The following TENM4 variants were observed in gnomAD, a reference collection of about 807,000 sequenced individuals.
The protein encoded by TENM4 is teneurin transmembrane protein 4, also known as teneurin-4.
In TENM4, 82 loss-of-function variants were observed where a neutral mutation model predicts 243.3. The ratio of observed to expected loss-of-function variants is 0.34; its 90% CI spans 0.28 to 0.40. The LOEUF (loss-of-function observed/expected upper bound fraction) is 0.40, where lower values mean the gene tolerates loss of function less well. TENM4 is among the 10% of genes least tolerant of loss of function. The pLI is 1.00. For synonymous variants in TENM4, 1,412 were observed against 1,456.3 expected (o/e 0.97, Z 0.69); for missense variants, 3,138 against 3,673.3 (o/e 0.85, Z 3.77).
intron 6 of TENM4, among the ~76,000 whole-genome samples, chr11:78,970,733 G>T (rs1166150595): frequency 6.6e-6 from 1 of 152,184 alleles, no homozygotes; most frequent in East Asian, 1.9e-4. Flanking sequence ...TCAAGAGGTT[G>T]CTCTGAGGGT....
At chr11:78,725,576 AAT>A (rs1855491599) in intron 23 of TENM4, among the ~76,000 whole-genome samples, 1 of 152,204 alleles carries the variant, frequency 6.6e-6, no homozygotes, top group Non-Finnish European at 1.5e-5. Context: ...CCTCTGCTTA[AAT>A]CACAATGAAC....
chr11:79,025,481 C>T (rs1235369223), intron 6 of TENM4, among the ~76,000 whole-genome samples: 2 of 152,220 alleles, frequency 1.3e-5, no homozygotes, highest in Admixed American at 1.3e-4. Context: ...GGAGATTTGC[C>T]CAAGGCCATG....
intron 12 of TENM4, among the ~76,000 whole-genome samples, chr11:78,821,310 G>C (rs144216931): frequency 1.9e-3 from 295 of 152,292 alleles, no homozygotes; most frequent in African/African-American, 6.8e-3. Flanking sequence ...GTTCTCCAAA[G>C]AGTCTTGTGA....
chr11:79,338,794 T>C (rs541130350), intron 1 of TENM4, among the ~76,000 whole-genome samples: 11 of 152,314 alleles, frequency 7.2e-5, no homozygotes, highest in African/African-American at 2.6e-4. Context: ...AAGTCCCAGC[T>C]GAACCTTGGA....
At chr11:79,381,676 C>T (rs942772904) in intron 1 of TENM4, among the ~76,000 whole-genome samples, 2 of 151,282 alleles carry the variant, frequency 1.3e-5, no homozygotes, top group African/African-American at 4.9e-5. Flanking sequence ...TGATATCCGA[C>T]GTTCACTTGA....
chr11:78,960,880 C>T (rs1857305711), intron 6 of TENM4, among the ~76,000 whole-genome samples: 1 of 152,228 alleles, frequency 6.6e-6, no homozygotes, highest in Admixed American at 6.5e-5. Context: ...TGTAAATCCC[C>T]TAGAGGCAGG....
chr11:79,258,028 C>T (rs1180360806), intron 2 of TENM4, among the ~76,000 whole-genome samples: 1 of 152,158 alleles, frequency 6.6e-6, no homozygotes, highest in African/African-American at 2.4e-5. Context: ...TTCACTCAAT[C>T]CATGGTACAG....
chr11:79,066,603 C>T (rs554175189), intron 5 of TENM4, among the ~76,000 whole-genome samples: 66 of 151,898 alleles, frequency 4.3e-4, no homozygotes, highest in African/African-American at 1.4e-3. Context: ...AGCACACACG[C>T]GCGTGCACAC....
chr11:78,729,540 T>C lies in TENM4; in HGVS notation c.3242A>G (p.His1081Arg). The C allele has an allele frequency of 6.2e-7, 1 of 1,613,804 alleles. No individual in the cohort carries two copies. The highest frequency in any genetic ancestry group is 8.5e-7 in the Non-Finnish European group (1 of 1,179,836). ...CATGAGGTTGAAGGGGATGGTCGGG[T>C]GGGTGAGGCTGATCCTCAGGACAGA... Reference protein sequence around the residue: ...YKSVLRISLTHPTIPFNLMKV... With the variant: ...YKSVLRISLTRPTIPFNLMKV... Residue 1081 changes from histidine (H) to arginine (R), a missense_variant, in exon 22 of 34, where the codon CAC becomes CGC. Physicochemically the swap from His to Arg is conservative, Grantham distance 29 (BLOSUM62 0). Transcript: ENST00000278550.
intron 1 of TENM4, among the ~76,000 whole-genome samples, chr11:79,326,676 C>T (rs942919211): frequency 3.3e-5 from 5 of 152,208 alleles, no homozygotes; most frequent in African/African-American, 1.2e-4. Context: ...CCCTGAGAAT[C>T]GCCATATTCT....
chr11:79,142,484 G>T (rs886115998), intron 4 of TENM4, among the ~76,000 whole-genome samples: 3 of 151,970 alleles, frequency 2.0e-5, no homozygotes, highest in African/African-American at 7.2e-5. Flanking sequence ...AATTGAAGAG[G>T]ACACCAAAAA....
chr11:79,399,625 G>C (rs552466615), intron 1 of TENM4, among the ~76,000 whole-genome samples: 1 of 152,132 alleles, frequency 6.6e-6, no homozygotes, highest in East Asian at 1.9e-4. Context: ...GAATACATTT[G>C]TTTATTAATT....
At chr11:79,261,242 C>T (rs746733660) in intron 2 of TENM4, among the ~76,000 whole-genome samples, 7 of 152,142 alleles carry the variant, frequency 4.6e-5, no homozygotes, top group South Asian at 2.1e-4. Flanking sequence ...ACCTGGAGAT[C>T]GACCTCTGCA....
chr11:78,670,613 A>C, intron 31 of TENM4, 62 bp from the exon 32 acceptor site: 3 of 1,458,406 alleles, frequency 2.1e-6, no homozygotes, highest in Non-Finnish European at 2.8e-6. Context: ...GTAGGTCTAC[A>C]TACCCGAGAC....
intron 1 of TENM4, among the ~76,000 whole-genome samples, chr11:79,343,957 T>A (rs1261504383): frequency 6.6e-6 from 1 of 152,196 alleles, no homozygotes; most frequent in Non-Finnish European, 1.5e-5. Context: ...GTCTTGGAAA[T>A]CCCAGATACT....
At chr11:78,933,227 G>A (rs1856710690) in intron 6 of TENM4, among the ~76,000 whole-genome samples, 1 of 152,072 alleles carries the variant, frequency 6.6e-6, no homozygotes. Flanking sequence ...TTGGTAAGGA[G>A]GGGATAATAT....
chr11:79,138,595 ATATAT>A (rs1319970711), intron 4 of TENM4, among the ~76,000 whole-genome samples: 9 of 103,440 alleles, frequency 8.7e-5, no homozygotes, highest in East Asian at 7.0e-4. Context: ...TACATAAAAC[ATATAT>A]TATATTTATA....
rs191027855 is a variant in TENM4, at chr11:79,189,094, T to A, written c.-163+26714A>T. Among the ~76,000 whole-genome samples, 12 of 152,336 alleles carry A rather than the reference T, an allele frequency of 7.9e-5. No homozygotes were observed. The East Asian group carries it at 1.9e-3, about 24-fold the overall frequency. On this transcript the variant is annotated intron_variant, in intron 3 of 33. Coordinates refer to ENST00000278550, the MANE Select transcript of TENM4 (RefSeq NM_001098816.3). ...ATGGGTAGGGGCTTAGCAAGTCATTTAAAATACTATTTTGTATGAATGTAA... is the reference window on the plus strand; with the variant it reads ...ATGGGTAGGGGCTTAGCAAGTCATTAAAAATACTATTTTGTATGAATGTAA...
intron 3 of TENM4, among the ~76,000 whole-genome samples, chr11:79,166,891 A>AAAACT (rs1184243966): frequency 6.6e-6 from 1 of 152,244 alleles, no homozygotes; most frequent in African/African-American, 2.4e-5. Flanking sequence ...TGAGAGGCAC[A>AAAACT]AAACTATGGT....
Sources: gnomAD v4.1 joint callset for allele counts (sites outside exome capture counted in the v4.1 genomes callset) on GRCh38, gnomAD v4.1.1 for gene constraint, MANE v1.5 for transcripts, NCBI Gene and HGNC (gene_info 2026-07-23, HGNC 2026-07-21) for gene names.